Variants in EBF2 observed in about 807,000 individuals in gnomAD.
EBF2 encodes the protein EBF transcription factor 2.
In EBF2, 21 loss-of-function variants were observed where a neutral mutation model predicts 72.8. That is an observed-to-expected ratio of 0.29 (90% CI 0.20 to 0.42). The LOEUF (loss-of-function observed/expected upper bound fraction) is 0.42. Among genes scored for constraint, EBF2 ranks in the 10% least tolerant of loss-of-function variants. EBF2 has a pLI of 1.00. For missense variants in EBF2, 637 were observed against 731.2 expected, an observed-to-expected ratio of 0.87 and a Z score of 1.49; for synonymous variants, 299 against 274.2, an observed-to-expected ratio of 1.09 and a Z score of -0.89.
intron 11 of EBF2, among the ~76,000 whole-genome samples, chr8:25,862,282 C>A (rs1802224868): frequency 6.7e-6 from 1 of 150,340 alleles, no homozygotes; most frequent in East Asian, 1.9e-4. Flanking sequence ...AAATTTTATA[C>A]AGAAGCATTT....
intron 6 of EBF2, among the ~76,000 whole-genome samples, chr8:25,959,276 C>G (rs540127602): frequency 2.0e-5 from 3 of 152,336 alleles, no homozygotes; most frequent in Admixed American, 2.0e-4. Context: ...GTGATCTCAG[C>G]TCACTGCAAC....
At chr8:26,000,987 G>A (rs758530036) in intron 6 of EBF2, among the ~76,000 whole-genome samples, 4 of 152,168 alleles carry the variant, frequency 2.6e-5, no homozygotes, top group East Asian at 1.9e-4. Flanking sequence ...CTACCTCAAC[G>A]AGGGGCCATA....
At chr8:25,899,194 G>A (rs1331203824) in intron 7 of EBF2, among the ~76,000 whole-genome samples, 1 of 151,264 alleles carries the variant, frequency 6.6e-6, no homozygotes, top group East Asian at 1.9e-4. Flanking sequence ...CCTTCCCCAA[G>A]CTTACATCAT....
intron 13 of EBF2, among the ~76,000 whole-genome samples, chr8:25,860,694 T>A (rs558037478): frequency 2.8e-4 from 43 of 151,984 alleles, no homozygotes; most frequent in African/African-American, 9.9e-4. Context: ...CTGGCTATTT[T>A]TTTATAGAGA....
At chr8:25,987,049 A>T (rs370282650) in intron 6 of EBF2, among the ~76,000 whole-genome samples, 1 of 53,036 alleles carries the variant, frequency 1.9e-5, no homozygotes, top group Non-Finnish European at 6.1e-5. Flanking sequence ...CCCTGGAATT[A>T]AAAAAAAAAA....
At chr8:26,039,608 G>A (rs955059708) in intron 5 of EBF2, among the ~76,000 whole-genome samples, 2 of 152,142 alleles carry the variant, frequency 1.3e-5, no homozygotes, top group Non-Finnish European at 2.9e-5. Flanking sequence ...GTGGTCCCTC[G>A]CCCAGACTAG....
chr8:25,977,053 T>C (rs988527132), intron 6 of EBF2, among the ~76,000 whole-genome samples: 1 of 152,184 alleles, frequency 6.6e-6, no homozygotes, highest in African/African-American at 2.4e-5. Context: ...CACATTAAAA[T>C]CTCATGTTCC....
rs556957593 is a variant in EBF2 at position 25,864,242 on chromosome 8, C to T, written c.1010-1445G>A. Reference sequence around the variant, plus strand: ...TGAGTTTATTCTCCCTCCAGCAATGCGTGTGCTCATTTTAACTTACATTTT... The same window carrying T: ...TGAGTTTATTCTCCCTCCAGCAATGTGTGTGCTCATTTTAACTTACATTTT... On this transcript the variant is annotated intron_variant, in intron 10 of 15. Coordinates refer to ENST00000520164, the MANE Select transcript of EBF2 (RefSeq NM_022659.4). Among the ~76,000 whole-genome samples the T allele has an allele frequency of 2.1e-3, 324 of 152,276 alleles. 2 individuals carry two copies. The highest frequency in any genetic ancestry group is 7.1e-3 in the African/African-American group (297 of 41,568).
intron 5 of EBF2, 28 bp downstream of exon 5, chr8:26,040,000 G>A (rs1442341081): frequency 6.2e-7 from 1 of 1,611,044 alleles, no homozygotes; most frequent in Non-Finnish European, 8.5e-7. Flanking sequence ...GGGCTCTCCA[G>A]GAAGGCCTGG....
intron 6 of EBF2, among the ~76,000 whole-genome samples, chr8:25,992,324 ACT>A (rs1382257066): frequency 1.8e-5 from 2 of 110,164 alleles, no homozygotes; most frequent in Non-Finnish European, 3.4e-5. Flanking sequence ...ACAGCGTGAG[ACT>A]CTGTCTCAAA....
intron 6 of EBF2, among the ~76,000 whole-genome samples, chr8:25,934,224 TACACAC>T (rs71216403): frequency 0.18 from 25,199 of 136,520 alleles, 2,191 homozygotes; most frequent in Admixed American, 0.22. Flanking sequence ...TTCATGTGCA[TACACAC>T]ACACACACAC....
At chr8:25,989,638 C>G (rs1282228321) in intron 6 of EBF2, among the ~76,000 whole-genome samples, 1 of 152,170 alleles carries the variant, frequency 6.6e-6, no homozygotes, top group Admixed American at 6.5e-5. Context: ...GACAACTCTC[C>G]CACATTTACA....
At chr8:25,891,542 A>T (rs1802780407) in intron 7 of EBF2, among the ~76,000 whole-genome samples, 1 of 151,546 alleles carries the variant, frequency 6.6e-6, no homozygotes, top group Non-Finnish European at 1.5e-5. Context: ...GTCCTTCCTT[A>T]CTTATTAAAT....
chr8:25,970,045 A>G (rs1279231898), intron 6 of EBF2, among the ~76,000 whole-genome samples: 1 of 152,204 alleles, frequency 6.6e-6, no homozygotes, highest in East Asian at 1.9e-4. Flanking sequence ...GGCCACCCAG[A>G]GAAGCAAGTG....
chr8:25,986,575 G>C (rs908001904), intron 6 of EBF2, among the ~76,000 whole-genome samples: 20 of 152,090 alleles, frequency 1.3e-4, no homozygotes, highest in Non-Finnish European at 2.9e-5. Flanking sequence ...CTTGTTTACT[G>C]GTCATTTGAG....
rs1257815792 is a variant in EBF2, at chr8:26,045,383, G to C, written c.-524C>G. The C allele has an allele frequency of 6.6e-6, 1 of 152,374 alleles. No individual in the cohort carries two copies. The highest frequency in any genetic ancestry group is 2.4e-5 in the African/African-American group (1 of 41,464). 9.4% of individuals were successfully genotyped at this position (152,374 alleles called of 1,614,324 possible). On this transcript the variant is annotated 5_prime_UTR_variant, in exon 1 of 16. Coordinates refer to ENST00000520164, the MANE Select transcript of EBF2 (RefSeq NM_022659.4). ...CCACGGAGCCCGGCTGCAGCCGCGC[G>C]CGGGCCCCATGAATGGGTTACTACG...
intron 6 of EBF2, among the ~76,000 whole-genome samples, chr8:25,995,450 T>A (rs1804609701): frequency 6.6e-6 from 1 of 152,034 alleles, no homozygotes; most frequent in Non-Finnish European, 1.5e-5. Flanking sequence ...AGCAAAAATA[T>A]CTGCTATAAT....
intron 6 of EBF2, among the ~76,000 whole-genome samples, chr8:25,945,223 T>A (rs1306193662): frequency 6.6e-6 from 1 of 152,016 alleles, no homozygotes; most frequent in African/African-American, 2.4e-5. Context: ...ATTCTTCTGC[T>A]ATATCCCCCA....
chr8:26,041,492 C>G (rs1482596564), intron 2 of EBF2: 1 of 176,270 alleles, frequency 5.7e-6, no homozygotes, highest in Non-Finnish European at 1.2e-5. Context: ...GAAGTGCCTA[C>G]TCTAAAGCTC....
Sources: allele counts gnomAD v4.1 joint callset (sites outside exome capture counted in the v4.1 genomes callset), GRCh38; gene constraint gnomAD v4.1.1; transcripts MANE v1.5; gene names NCBI Gene and HGNC (gene_info 2026-07-23, HGNC 2026-07-21).